SLC8A3: variants seen among roughly 807,000 people sequenced by gnomAD.
SLC8A3 encodes sodium/calcium exchanger 3.
A neutral mutation model predicts 65.4 loss-of-function variants in SLC8A3; 37 were observed. The observed-to-expected ratio is 0.57, with a 90% CI of 0.44 to 0.74. The LOEUF (loss-of-function observed/expected upper bound fraction) is 0.74, where lower values mean the gene tolerates loss of function less well. SLC8A3 is among the 30% of genes least tolerant of loss of function. SLC8A3 has a pLI of 0.00. For synonymous variants in SLC8A3, 461 were observed against 444.5 expected (o/e 1.04, Z -0.47); for missense variants, 1,112 against 1,172.1 (o/e 0.95, Z 0.75).
chr14:70,131,367 C>T (rs938162922), intron 2 of SLC8A3, among the ~76,000 whole-genome samples: 2 of 152,204 alleles, frequency 1.3e-5, no homozygotes, highest in Admixed American at 1.3e-4. Context: ...GCTTTAGAAT[C>T]AGACAAGGTT....
intron 2 of SLC8A3, among the ~76,000 whole-genome samples, chr14:70,127,056 G>C (rs749339513): frequency 5.3e-5 from 8 of 152,068 alleles, no homozygotes; most frequent in Non-Finnish European, 1.0e-4. Context: ...ACAATGTGAA[G>C]TAATAAAAAA....
chr14:70,159,014 T>A (rs1896733123), intron 2 of SLC8A3, among the ~76,000 whole-genome samples: 1 of 152,244 alleles, frequency 6.6e-6, no homozygotes, highest in African/African-American at 2.4e-5. Flanking sequence ...CAAGGAGCTC[T>A]CTTTCTTCAA....
At chr14:70,183,439 C>G (rs886438444) in intron 1 of SLC8A3, among the ~76,000 whole-genome samples, 2 of 152,222 alleles carry the variant, frequency 1.3e-5, no homozygotes, top group African/African-American at 4.8e-5. Flanking sequence ...TTCCAGGCTC[C>G]TTCTTCAGGC....
intron 2 of SLC8A3, among the ~76,000 whole-genome samples, chr14:70,092,996 T>C (rs1003047715): frequency 2.0e-5 from 3 of 152,234 alleles, no homozygotes; most frequent in African/African-American, 4.8e-5. Context: ...TTCAGAAACA[T>C]TGGCATTGTT....
In SLC8A3 at chr14:70,137,785, C is replaced by T. The variant is rs58792809; in HGVS notation, c.1784+28854G>A. Among the ~76,000 whole-genome samples, 120 of 28,064 alleles carry T rather than the reference C, an allele frequency of 4.3e-3. 4 individuals are homozygous for T. Among genetic ancestry groups the T allele is most frequent in the Admixed American group, 0.017 (36 of 2,068 alleles). 18.4% of individuals were successfully genotyped at this position (28,064 alleles called of 152,430 possible). Reference sequence around the variant, plus strand: ...CTCTCTGATTTGAGAGCTGGTGGTGCCTTTTTTTTTTTTTTTTTCTAATTT... The same window carrying T: ...CTCTCTGATTTGAGAGCTGGTGGTGTCTTTTTTTTTTTTTTTTTCTAATTT... On this transcript the variant is annotated intron_variant, in intron 2 of 6. Transcript: ENST00000356921.
intron 5 of SLC8A3, among the ~76,000 whole-genome samples, chr14:70,049,565 G>A (rs2139705897): frequency 6.6e-6 from 1 of 152,124 alleles, no homozygotes; most frequent in African/African-American, 2.4e-5. Context: ...AACCGCCATG[G>A]CACGTGTATA....
intron 2 of SLC8A3, among the ~76,000 whole-genome samples, chr14:70,123,208 G>A (rs1050337252): frequency 4.0e-5 from 6 of 151,336 alleles, no homozygotes; most frequent in African/African-American, 9.7e-5. Context: ...TCACGCCATT[G>A]CACTCCACCC....
intron 2 of SLC8A3, among the ~76,000 whole-genome samples, chr14:70,107,895 C>T (rs913648065): frequency 6.6e-6 from 1 of 152,068 alleles, no homozygotes; most frequent in Non-Finnish European, 1.5e-5. Flanking sequence ...AACCTCCTTT[C>T]ATCATTCAGG....
intron 1 of SLC8A3, among the ~76,000 whole-genome samples, chr14:70,177,671 C>T (rs1039287810): frequency 6.6e-6 from 1 of 152,158 alleles, no homozygotes; most frequent in Non-Finnish European, 1.5e-5. Context: ...AGCAGTATGG[C>T]TGAAAGACTT....
intron 2 of SLC8A3, among the ~76,000 whole-genome samples, chr14:70,161,398 C>A (rs1896887267): frequency 6.6e-6 from 1 of 150,478 alleles, no homozygotes; most frequent in African/African-American, 2.4e-5. Context: ...AAATGCCTCA[C>A]TGTACTGCTA....
At chr14:70,064,204 C>A (rs1159409459) in intron 2 of SLC8A3, among the ~76,000 whole-genome samples, 1 of 152,168 alleles carries the variant, frequency 6.6e-6, no homozygotes, top group Non-Finnish European at 1.5e-5. Flanking sequence ...GAGTTCTAAT[C>A]CTGGATAGGC....
chr14:70,120,609 AGGAAGTGTAGCAGCCAG>A (rs1184515957), intron 2 of SLC8A3, among the ~76,000 whole-genome samples: 19 of 152,210 alleles, frequency 1.2e-4, no homozygotes, highest in Admixed American at 1.2e-3. Context: ...GAAATGCTGC[AGGAAGTGTAGCAGCCAG>A]GGGGTTGAGA....
chr14:70,110,307 C>T (rs916234787), intron 2 of SLC8A3, among the ~76,000 whole-genome samples: 6 of 151,942 alleles, frequency 3.9e-5, no homozygotes, highest in Admixed American at 3.9e-4. Context: ...GTTTTTGTAC[C>T]AGTTAACCAT....
At chr14:70,074,112 C>T (rs554300839) in intron 2 of SLC8A3, among the ~76,000 whole-genome samples, 2 of 152,342 alleles carry the variant, frequency 1.3e-5, no homozygotes, top group Admixed American at 6.5e-5. Flanking sequence ...GCTCCAGGCA[C>T]ATAGAAGCCA....
At chr14:70,064,902 C>T (rs564438464) in intron 2 of SLC8A3, among the ~76,000 whole-genome samples, 13 of 151,958 alleles carry the variant, frequency 8.6e-5, no homozygotes, top group Non-Finnish European at 1.8e-4. Context: ...AGATGTAGAC[C>T]TGGGCCTCTC....
In SLC8A3 at chr14:70,167,523, G is replaced by T; in HGVS notation, c.900C>A (p.Asn300Lys). The T allele has an allele frequency of 1.2e-6, 2 of 1,613,946 alleles. No individual in the cohort carries two copies. The highest frequency in any genetic ancestry group is 1.7e-6 in the Non-Finnish European group (2 of 1,180,016). Residue 300 changes from asparagine (N) to lysine (K), a missense_variant, in exon 2 of 7, where the codon AAC (asparagine) becomes AAA (lysine). Asn to Lys is a moderately conservative substitution (Grantham distance 94). Coordinates refer to ENST00000356921, the MANE Select transcript of SLC8A3 (RefSeq NM_182932.3). ...CTTCCTTCCCTTCCAGGGGCACCAG[G>T]TTCCCATCTAGAAAATGGGAATTCA... Reference protein sequence around the residue: ...KMMNSHFLDGNLVPLEGKEVD... With the variant: ...KMMNSHFLDGKLVPLEGKEVD...
intron 2 of SLC8A3, among the ~76,000 whole-genome samples, chr14:70,070,737 A>T (rs1889937523): frequency 6.6e-6 from 1 of 152,180 alleles, no homozygotes. Context: ...GTCCATGCAT[A>T]AAAAAGGCCA....
intron 2 of SLC8A3, among the ~76,000 whole-genome samples, chr14:70,108,083 A>G (rs1892999330): frequency 6.6e-6 from 1 of 151,396 alleles, no homozygotes; most frequent in Non-Finnish European, 1.5e-5. Flanking sequence ...TATCTCATTC[A>G]CTGTCATATC....
rs1050664984 is a variant in SLC8A3 at position 70,151,272 on chromosome 14, A to G, written c.1784+15367T>C. Among the ~76,000 whole-genome samples, 8 of 152,144 alleles carry G rather than the reference A, an allele frequency of 5.3e-5. 1 individual carries two copies. The highest frequency in any genetic ancestry group is 1.2e-4 in the Non-Finnish European group (8 of 68,018). On this transcript the variant is annotated intron_variant, in intron 2 of 6. Transcript: ENST00000356921. The stretch of plus-strand genomic sequence containing the variant: ...CCGCCTCAAAAAAAGAAAAAAAAAA[A>G]AAAAGAACTATCAAGGAACCAGGGC...
Sources: allele counts gnomAD v4.1 joint callset (sites outside exome capture counted in the v4.1 genomes callset), GRCh38; gene constraint gnomAD v4.1.1; transcripts MANE v1.5; gene names NCBI Gene and HGNC (gene_info 2026-07-23, HGNC 2026-07-21).